Variants in ZSCAN25 observed in about 807,000 individuals in gnomAD.
The protein encoded by ZSCAN25 is zinc finger and SCAN domain-containing protein 25.
Under a neutral mutation model 38.7 loss-of-function variants are expected in ZSCAN25, and 27 were observed. That is an observed-to-expected ratio of 0.70 (90% CI 0.51 to 0.96). The LOEUF is 0.96. Among genes scored for constraint, ZSCAN25 ranks in the 40% least tolerant of loss-of-function variants. The pLI is 0.00. For missense variants in ZSCAN25, 637 were observed against 705.9 expected (o/e 0.90, Z 1.11); for synonymous variants, 273 against 277.7 (o/e 0.98, Z 0.17).
the ZSCAN25 span, among the ~76,000 whole-genome samples, chr7:99,710,133 T>C: frequency 6.6e-6 from 1 of 152,226 alleles, no homozygotes; most frequent in African/African-American, 2.4e-5. Context: ...GCCATGTCTC[T>C]TCATAGCACA....
At chr7:99,700,601 C>G in the ZSCAN25 span, among the ~76,000 whole-genome samples, 2 of 152,174 alleles carry the variant, frequency 1.3e-5, no homozygotes, top group Admixed American at 1.3e-4. Context: ...GCCTCCTATC[C>G]CCCTCACACA....
chr7:99,653,898 C>T, the ZSCAN25 span, among the ~76,000 whole-genome samples: 70 of 152,178 alleles, frequency 4.6e-4, no homozygotes, highest in African/African-American at 1.6e-3. The surrounding 1 kb of genome is among the most constrained non-coding windows in gnomAD (Gnocchi z 4.2). Context: ...GCTTCTTGGC[C>T]AGTGGCTACC....
At chr7:99,650,962 A>C in the ZSCAN25 span, among the ~76,000 whole-genome samples, 1 of 152,212 alleles carries the variant, frequency 6.6e-6, no homozygotes, top group Non-Finnish European at 1.5e-5. Flanking sequence ...TGATTTCTAA[A>C]TATTTGATTA....
the ZSCAN25 span, among the ~76,000 whole-genome samples, chr7:99,640,505 A>T: frequency 1.3e-5 from 2 of 152,152 alleles, no homozygotes. Flanking sequence ...CATACCCCAC[A>T]TCCAAACCAT....
chr7:99,707,803 TTGAC>T, the ZSCAN25 span: 1 of 1,613,730 alleles, frequency 6.2e-7, no homozygotes, highest in Non-Finnish European at 8.5e-7. Flanking sequence ...ATGCAGAAAA[TTGAC>T]TGACCTGTGT....
chr7:99,686,957 G>A, the ZSCAN25 span, among the ~76,000 whole-genome samples: 1 of 152,224 alleles, frequency 6.6e-6, no homozygotes, highest in African/African-American at 2.4e-5. Flanking sequence ...CAGACCTGCA[G>A]CTGAGGGTCC....
the ZSCAN25 span, chr7:99,710,936 A>G: frequency 6.2e-7 from 1 of 1,612,920 alleles, no homozygotes; most frequent in East Asian, 2.2e-5. Flanking sequence ...AGGTCAATGT[A>G]GGGCATCACA....
the ZSCAN25 span, among the ~76,000 whole-genome samples, chr7:99,643,027 A>G: frequency 1.3e-5 from 2 of 152,200 alleles, no homozygotes; most frequent in African/African-American, 4.8e-5. Context: ...TTACTTCCCC[A>G]TTAGTGGTCC....
the ZSCAN25 span, among the ~76,000 whole-genome samples, chr7:99,694,738 C>T: frequency 2.8e-4 from 40 of 140,678 alleles, no homozygotes; most frequent in Admixed American, 4.8e-4. Flanking sequence ...CTCAGGTATG[C>T]GGGAAAGATG....
the ZSCAN25 span, among the ~76,000 whole-genome samples, chr7:99,726,762 T>C: frequency 6.6e-6 from 1 of 152,206 alleles, no homozygotes; most frequent in Non-Finnish European, 1.5e-5. Context: ...CTTTGAGTCT[T>C]TTCAACAAGA....
At chr7:99,667,154 A>G in the ZSCAN25 span, 1 of 1,268,372 alleles carries the variant, frequency 7.9e-7, no homozygotes, top group African/African-American at 1.5e-5. Flanking sequence ...TCCTTATTTA[A>G]CAAATATTTA....
In ZSCAN25 at chr7:99,629,068, A is replaced by ATCTC; in HGVS notation, c.806-123_806-122insTCTC. 39 of 1,333,222 alleles carry ATCTC rather than the reference A, an allele frequency of 2.9e-5. No homozygotes were observed. The highest frequency in any genetic ancestry group is 1.3e-4 in the Admixed American group (5 of 37,186). 82.6% of individuals were successfully genotyped at this position (1,333,222 alleles called of 1,614,324 possible). Reference sequence around the variant, plus strand: ...AAAGAAGTAAGGAAAGCCTGAGTTGAGGTTGTTGGTCAAAGGAAAAAAGAG... The same window carrying ATCTC: ...AAAGAAGTAAGGAAAGCCTGAGTTGATCTCGGTTGTTGGTCAAAGGAAAAAAGAG... On this transcript the variant is annotated intron_variant, in intron 7 of 7. Transcript: ENST00000394152. This position sits in a 1 kb window ranked among gnomAD's most constrained non-coding sequence, Gnocchi z 5.6.
chr7:99,656,569 T>G, the ZSCAN25 span, among the ~76,000 whole-genome samples: 1 of 152,208 alleles, frequency 6.6e-6, no homozygotes, highest in African/African-American at 2.4e-5. Flanking sequence ...CTGCCAGGCT[T>G]TGGTATCAGG....
At chr7:99,710,648 T>G in the ZSCAN25 span, 4 of 1,604,362 alleles carry the variant, frequency 2.5e-6, no homozygotes, top group Non-Finnish European at 3.4e-6. Flanking sequence ...ATGCTTTTTA[T>G]AAAAATTCTC....
the ZSCAN25 span, among the ~76,000 whole-genome samples, chr7:99,704,266 G>C: frequency 4.9e-4 from 75 of 152,172 alleles, no homozygotes; most frequent in African/African-American, 1.8e-3. Flanking sequence ...TCAGTTGTAT[G>C]TTACAAAATA....
chr7:99,691,079 G>A, the ZSCAN25 span, among the ~76,000 whole-genome samples: 6 of 152,190 alleles, frequency 3.9e-5, no homozygotes, highest in African/African-American at 7.2e-5. Context: ...TTAAGAAAAT[G>A]TGGCACATAT....
chr7:99,630,460 T>A lies in ZSCAN25; in HGVS notation c.*440T>A, dbSNP rs1040291706. 19 of 998,334 alleles carry A rather than the reference T, an allele frequency of 1.9e-5. No homozygotes were observed. Among genetic ancestry groups the A allele is most frequent in the Non-Finnish European group, 2.1e-5 (18 of 838,358 alleles). 61.8% of individuals were successfully genotyped at this position (998,334 alleles called of 1,614,324 possible). A position where few individuals can be genotyped will look rare whatever the true frequency, so the allele number is the denominator to read the frequency against. On this transcript the variant is annotated 3_prime_UTR_variant, in exon 8 of 8. Coordinates refer to ENST00000394152, the MANE Select transcript of ZSCAN25 (RefSeq NM_145115.3). ...CCATTGAACAAACATTTATTGAACA[T>A]CCTCTGAGCACCTGGCCGTGGGAAT...
chr7:99,688,730 C>A, the ZSCAN25 span, among the ~76,000 whole-genome samples: 1 of 152,130 alleles, frequency 6.6e-6, no homozygotes, highest in African/African-American at 2.4e-5. Context: ...TTTTTTTCAG[C>A]ACCACACCTA....
intron 1 of ZSCAN25, among the ~76,000 whole-genome samples, chr7:99,617,388 G>A (rs907569064): frequency 1.3e-5 from 2 of 152,238 alleles, no homozygotes; most frequent in African/African-American, 4.8e-5. Flanking sequence ...TGATGAGCCA[G>A]CCTGGTCAAC....
Sources: gnomAD v4.1 joint callset for allele counts (sites outside exome capture counted in the v4.1 genomes callset) on GRCh38, gnomAD v4.1.1 for gene constraint, Gnocchi (gnomAD v3.1) non-coding constraint, MANE v1.5 for transcripts, NCBI Gene and HGNC (gene_info 2026-07-23, HGNC 2026-07-21) for gene names.